SCEL: variants seen among roughly 807,000 people sequenced by gnomAD.
SCEL encodes the protein sciellin.
A neutral mutation model predicts 117.6 loss-of-function variants in SCEL; 113 were observed. That is an observed-to-expected ratio of 0.96 (90% CI 0.83 to 1.12). SCEL has a LOEUF of 1.12. Among genes scored for constraint, SCEL ranks in the 50% most tolerant of loss-of-function variants. SCEL has a pLI of 0.00. For synonymous variants in SCEL, 270 were observed against 256.2 expected, an observed-to-expected ratio of 1.05 and a Z score of -0.51; for missense variants, 785 against 810.8, an observed-to-expected ratio of 0.97 and a Z score of 0.39.
chr13:77,610,621 T>C lies in SCEL; in HGVS notation c.1337+515T>C, dbSNP rs538162679. 7.2e-5 allele frequency among the ~76,000 whole-genome samples: 11 copies of C among 152,272 alleles called. No homozygotes were observed. In the South Asian group the frequency reaches 2.3e-3, roughly 32 times the overall value. On this transcript the variant is annotated intron_variant, in intron 22 of 32. Transcript: ENST00000349847. ...AAAGACAGGAATGATCTCTTACCAG[T>C]ATGAGATTGTGTTCCATGCTGAGGA...
intron 9 of SCEL, among the ~76,000 whole-genome samples, 189 bp from the exon 10 acceptor site, chr13:77,588,955 A>G (rs1214865750): frequency 6.6e-6 from 1 of 152,212 alleles, no homozygotes; most frequent in Admixed American, 6.6e-5. Context: ...TTAAAAATAC[A>G]CATATTTTCA....
In SCEL at chr13:77,572,173, A is replaced by C; in HGVS notation, c.529A>C (p.Thr177Pro). ...TCCAGGTTACAATGCCTCCTCGAGC[A>C]CAGGAACCAGGAGACGGTAAGGGAA... The part of the protein sequence containing the change: ...PPPGYNASSS[T>P]GTRRREPGVH... The change falls in exon 9 of 33, where the codon ACA (threonine) becomes CCA (proline). Residue 177 changes from threonine to proline, a missense_variant. By Grantham distance (38) the Thr-to-Pro change is conservative. Transcript: ENST00000349847. 1 of 1,611,948 alleles carries C rather than the reference A, an allele frequency of 6.2e-7. No homozygotes were observed. The highest frequency in any genetic ancestry group is 8.5e-7 in the Non-Finnish European group (1 of 1,178,866).
intron 28 of SCEL, among the ~76,000 whole-genome samples, chr13:77,630,984 T>C (rs1031868023): frequency 4.6e-5 from 7 of 152,216 alleles, no homozygotes; most frequent in African/African-American, 1.7e-4. Flanking sequence ...CCCAAACTTT[T>C]GGGTACATCA....
intron 29 of SCEL, among the ~76,000 whole-genome samples, 180 bp from the exon 30 acceptor site, chr13:77,636,939 TG>T (rs1349378335): frequency 6.6e-6 from 1 of 152,132 alleles, no homozygotes; most frequent in Non-Finnish European, 1.5e-5. Flanking sequence ...TATGTCAAAT[TG>T]GGGGTGACTT....
intron 1 of SCEL, among the ~76,000 whole-genome samples, chr13:77,548,092 G>C (rs1265984618): frequency 2.0e-5 from 3 of 152,212 alleles, no homozygotes; most frequent in African/African-American, 7.2e-5. Context: ...TTTAGGGTCT[G>C]CTAGGAAGGG....
chr13:77,637,493 G>T (rs1464632822), intron 30 of SCEL, among the ~76,000 whole-genome samples: 2 of 151,028 alleles, frequency 1.3e-5, no homozygotes, highest in Non-Finnish European at 2.9e-5. Context: ...GTATGTGCAT[G>T]GGCAGACCAA....
chr13:77,578,952 C>A (rs192766838), intron 9 of SCEL, among the ~76,000 whole-genome samples: 1 of 152,046 alleles, frequency 6.6e-6, no homozygotes, highest in African/African-American at 2.4e-5. Flanking sequence ...AGTGAAGATA[C>A]CTGTTGAGAA....
intron 27 of SCEL, among the ~76,000 whole-genome samples, chr13:77,618,555 T>G (rs377464772): frequency 1.1e-4 from 17 of 152,126 alleles, no homozygotes; most frequent in East Asian, 3.9e-4. Flanking sequence ...TTCTTTGGTG[T>G]GTTAAATGAG....
intron 1 of SCEL, among the ~76,000 whole-genome samples, chr13:77,549,145 C>T (rs1229241939): frequency 1.3e-5 from 2 of 152,140 alleles, no homozygotes; most frequent in African/African-American, 4.8e-5. Flanking sequence ...ATACTCTTTT[C>T]CATAGAGGTT....
chr13:77,609,107 A>T lies in SCEL; in HGVS notation c.1267A>T (p.Ser423Cys). Residue 423 changes from serine (S) to cysteine (C), a missense_variant, in exon 21 of 33, where the codon AGT becomes TGT. Transcript: ENST00000349847. ...FIKVYPGTEKSTEGGQSLDSL... is the reference protein window; with the variant it reads ...FIKVYPGTEKCTEGGQSLDSL... Reference sequence around the variant, plus strand: ...CAAAGTGTATCCAGGAACAGAAAAAAGTACTGAAGGGTAAGATTTAATAAG... The same window carrying T: ...CAAAGTGTATCCAGGAACAGAAAAATGTACTGAAGGGTAAGATTTAATAAG... 1 of 1,598,452 alleles carries T rather than the reference A, an allele frequency of 6.3e-7. No individual in the cohort carries two copies. Among genetic ancestry groups the T allele is most frequent in the Non-Finnish European group, 8.5e-7 (1 of 1,175,870 alleles).
chr13:77,563,124 TCC>T (rs747040539), intron 4 of SCEL, among the ~76,000 whole-genome samples: 2 of 151,608 alleles, frequency 1.3e-5, no homozygotes, highest in East Asian at 1.9e-4. Flanking sequence ...TTTTCTAAAT[TCC>T]CCCCCCATTT....
At chr13:77,575,472 A>G (rs1321684207) in intron 9 of SCEL, among the ~76,000 whole-genome samples, 3 of 152,214 alleles carry the variant, frequency 2.0e-5, no homozygotes, top group African/African-American at 7.2e-5. Context: ...TAAAATTATC[A>G]TATTTTATAG....
At chr13:77,640,600 C>A in intron 30 of SCEL, 76 bp from the exon 31 acceptor site, 2 of 570,452 alleles carry the variant, frequency 3.5e-6, no homozygotes, top group South Asian at 4.0e-5. Context: ...TATACCGTTG[C>A]CATGTGAGTT....
intron 9 of SCEL, among the ~76,000 whole-genome samples, chr13:77,577,097 C>T (rs1168226174): frequency 6.6e-6 from 1 of 152,154 alleles, no homozygotes; most frequent in Non-Finnish European, 1.5e-5. Context: ...AACAATTTGA[C>T]TTCCTCTCTT....
intron 22 of SCEL, among the ~76,000 whole-genome samples, chr13:77,612,078 C>T (rs1291396694): frequency 1.3e-5 from 2 of 152,212 alleles, no homozygotes; most frequent in African/African-American, 4.8e-5. Flanking sequence ...AGGATACACA[C>T]ATGATAAAAT....
intron 32 of SCEL, among the ~76,000 whole-genome samples, chr13:77,643,064 GT>G (rs2090635954): frequency 6.6e-6 from 1 of 151,838 alleles, no homozygotes; most frequent in Non-Finnish European, 1.5e-5. Context: ...AAAATTTTCC[GT>G]TTTTTTCCAA....
intron 17 of SCEL, 144 bp from the exon 18 acceptor site, chr13:77,602,932 G>A: frequency 1.6e-6 from 1 of 630,582 alleles, no homozygotes. Flanking sequence ...GTTATTGATT[G>A]GCAATTTTTA....
chr13:77,579,543 T>C (rs929493012), intron 9 of SCEL, among the ~76,000 whole-genome samples: 1 of 152,224 alleles, frequency 6.6e-6, no homozygotes, highest in South Asian at 2.1e-4. Context: ...AAAACAATTG[T>C]TGGGCTCTGC....
chr13:77,602,551 C>T, intron 16 of SCEL, 103 bp from the exon 17 acceptor site: 1 of 952,040 alleles, frequency 1.1e-6, no homozygotes, highest in Non-Finnish European at 1.7e-6. Context: ...TCATTTGGTC[C>T]TGAAAACACC....
Sources: allele counts gnomAD v4.1 joint callset (sites outside exome capture counted in the v4.1 genomes callset), GRCh38; gene constraint gnomAD v4.1.1; transcripts MANE v1.5; gene names NCBI Gene and HGNC (gene_info 2026-07-23, HGNC 2026-07-21).